HNF4G: variants seen among roughly 807,000 people sequenced by gnomAD.
HNF4G encodes hepatocyte nuclear factor 4 gamma, also known as hepatocyte nuclear factor 4-gamma.
Under a neutral mutation model 50.9 loss-of-function variants are expected in HNF4G, and 21 were observed. That is an observed-to-expected ratio of 0.41 (90% CI 0.29 to 0.59). HNF4G has a LOEUF of 0.59. Among genes scored for constraint, HNF4G ranks in the 20% least tolerant of loss-of-function variants. The probability of loss-of-function intolerance (pLI) is 0.26; values close to 1 mark genes in which losing one functional copy is unlikely to be tolerated. For missense variants in HNF4G, 527 were observed against 559.4 expected, an observed-to-expected ratio of 0.94 and a Z score of 0.58; for synonymous variants, 198 against 185.6, an observed-to-expected ratio of 1.07 and a Z score of -0.54.
chr8:75,457,525 A>G (rs1585860837), intron 1 of HNF4G, among the ~76,000 whole-genome samples: 1 of 152,150 alleles, frequency 6.6e-6, no homozygotes, highest in East Asian at 1.9e-4. Context: ...CATAATTAAA[A>G]CCTGAGTCTA....
chr8:75,496,667 T>G (rs1225426821), intron 2 of HNF4G, among the ~76,000 whole-genome samples: 1 of 152,100 alleles, frequency 6.6e-6, no homozygotes. Context: ...CTGGTTGTCA[T>G]GAAGGAGCTC....
chr8:75,526,705 ATT>A (rs1225334277), intron 2 of HNF4G, among the ~76,000 whole-genome samples: 17 of 140,568 alleles, frequency 1.2e-4, no homozygotes, highest in African/African-American at 3.1e-4. Context: ...ACTAATTAAA[ATT>A]TTTTTTTTTT....
intron 2 of HNF4G, among the ~76,000 whole-genome samples, chr8:75,525,487 A>G (rs1199341190): frequency 6.6e-6 from 1 of 152,044 alleles, no homozygotes; most frequent in Non-Finnish European, 1.5e-5. Flanking sequence ...TTTTCTAATA[A>G]TATGTCAGCT....
At chr8:75,461,479 G>A in intron 1 of HNF4G, among the ~76,000 whole-genome samples, 1 of 152,066 alleles carries the variant, frequency 6.6e-6, no homozygotes, top group Non-Finnish European at 1.5e-5. Context: ...GATAATCCAG[G>A]ACAATCTCCT....
intron 2 of HNF4G, among the ~76,000 whole-genome samples, chr8:75,524,010 A>T (rs958223832): frequency 8.0e-6 from 1 of 124,464 alleles, no homozygotes; most frequent in African/African-American, 3.0e-5. Context: ...AGGAAGTATG[A>T]GTATACTTAT....
intron 2 of HNF4G, among the ~76,000 whole-genome samples, chr8:75,531,514 G>T (rs1171160835): frequency 6.6e-6 from 1 of 151,846 alleles, no homozygotes; most frequent in Non-Finnish European, 1.5e-5. Context: ...ACTTACCTTT[G>T]TCTAGGATAA....
intron 1 of HNF4G, among the ~76,000 whole-genome samples, chr8:75,418,239 G>A (rs1443650973): frequency 1.3e-5 from 2 of 151,896 alleles, no homozygotes; most frequent in South Asian, 2.1e-4. Context: ...CTTTTATAAG[G>A]ACACCAGTCA....
chr8:75,473,880 G>T (rs975722630), intron 1 of HNF4G, among the ~76,000 whole-genome samples: 3 of 152,058 alleles, frequency 2.0e-5, no homozygotes, highest in Non-Finnish European at 4.4e-5. Context: ...AAGTGAATGT[G>T]TGATGACAAA....
At chr8:75,412,719 A>ATTTT (rs547738408) in intron 1 of HNF4G, among the ~76,000 whole-genome samples, 1 of 148,826 alleles carries the variant, frequency 6.7e-6, no homozygotes, top group Non-Finnish European at 1.5e-5. Context: ...GTGTTTTAGA[A>ATTTT]TTTTTTTTTT....
At chr8:75,539,353 C>T (rs536980073), upstream of HNF4G, among the ~76,000 whole-genome samples, 19 of 152,156 alleles carry the variant, frequency 1.2e-4, no homozygotes, top group Non-Finnish European at 2.5e-4. Context: ...ATAAGGGTTA[C>T]GCCTAGGGGG....
rs746861109 is a variant in HNF4G, at chr8:75,558,509, C to T, written c.734-9C>T. Reference sequence around the variant, plus strand: ...TTTGTTTTGTTTTGTTTTGTTTTCTCTCTCATAGGAAACAACTATGTTATT... The same window carrying T: ...TTTGTTTTGTTTTGTTTTGTTTTCTTTCTCATAGGAAACAACTATGTTATT... On this transcript the variant is annotated splice_polypyrimidine_tract_variant and intron_variant, in intron 6 of 9. Coordinates refer to ENST00000396423, the MANE Select transcript of HNF4G (RefSeq NM_004133.5). The T allele has an allele frequency of 8.7e-6, 14 of 1,601,324 alleles. No individual in the cohort carries two copies. In the Admixed American group the frequency reaches 2.3e-4, roughly 26 times the overall value.
At chr8:75,545,920 T>A (rs1806765527) in intron 2 of HNF4G, among the ~76,000 whole-genome samples, 1 of 152,106 alleles carries the variant, frequency 6.6e-6, no homozygotes, top group Non-Finnish European at 1.5e-5. Flanking sequence ...AATCTGGTCC[T>A]CTCTCCTGAG....
intron 2 of HNF4G, among the ~76,000 whole-genome samples, chr8:75,508,638 A>G (rs942324851): frequency 1.3e-5 from 2 of 152,216 alleles, no homozygotes; most frequent in African/African-American, 4.8e-5. Flanking sequence ...GCACAACTCA[A>G]GTATTGACAA....
intron 2 of HNF4G, among the ~76,000 whole-genome samples, chr8:75,504,275 A>G (rs528087183): frequency 2.3e-4 from 34 of 148,052 alleles, no homozygotes; most frequent in African/African-American, 8.2e-4. Context: ...ACACACACAC[A>G]CCAAAAACAA....
intron 1 of HNF4G, among the ~76,000 whole-genome samples, chr8:75,462,515 ATTGT>A (rs1353226088): frequency 6.6e-6 from 1 of 152,146 alleles, no homozygotes; most frequent in African/African-American, 2.4e-5. Flanking sequence ...GAACTTATAC[ATTGT>A]TTATTTTTAG....
chr8:75,474,726 G>A (rs574825322), intron 1 of HNF4G, among the ~76,000 whole-genome samples: 2 of 151,778 alleles, frequency 1.3e-5, no homozygotes, highest in African/African-American at 4.8e-5. Flanking sequence ...ATTATTTTTT[G>A]TCGCTCTGTT....
At chr8:75,501,472 A>T (rs1285149443) in intron 2 of HNF4G, among the ~76,000 whole-genome samples, 1 of 152,132 alleles carries the variant, frequency 6.6e-6, no homozygotes, top group Non-Finnish European at 1.5e-5. Flanking sequence ...CATTTGGTAC[A>T]TAATAGACAG....
chr8:75,421,941 A>ATG (rs151056076), intron 1 of HNF4G, among the ~76,000 whole-genome samples: 1,968 of 152,128 alleles, frequency 0.013, 39 homozygotes, highest in African/African-American at 0.045. Context: ...GTTTGTTTCT[A>ATG]TGTGTGTGTG....
intron 2 of HNF4G, among the ~76,000 whole-genome samples, chr8:75,496,433 T>C (rs2130695250): frequency 6.6e-6 from 1 of 152,178 alleles, no homozygotes; most frequent in South Asian, 2.1e-4. Flanking sequence ...TGTTTATTTT[T>C]CCTGAGTCTG....
Sources: gnomAD v4.1 joint callset for allele counts (sites outside exome capture counted in the v4.1 genomes callset) on GRCh38, gnomAD v4.1.1 for gene constraint, MANE v1.5 for transcripts, NCBI Gene and HGNC (gene_info 2026-07-23, HGNC 2026-07-21) for gene names.